Variants in WWOX observed in about 807,000 individuals in gnomAD.
WWOX encodes the protein WW domain-containing oxidoreductase.
A neutral mutation model predicts 46.2 loss-of-function variants in WWOX; 69 were observed. The observed-to-expected ratio is 1.49, with a 90% CI of 1.23 to 1.82. The LOEUF (loss-of-function observed/expected upper bound fraction) is 1.82. WWOX is among the 40% of genes most tolerant of loss of function. The pLI is 0.00. For missense variants in WWOX, 919 were observed against 542.6 expected, an observed-to-expected ratio of 1.69 and a Z score of -6.89; for synonymous variants, 359 against 202.6, an observed-to-expected ratio of 1.77 and a Z score of -6.56.
At chr16:79,036,900 G>T (rs944852723) in intron 8 of WWOX, among the ~76,000 whole-genome samples, 1 of 152,206 alleles carries the variant, frequency 6.6e-6, no homozygotes, top group Non-Finnish European at 1.5e-5. Context: ...GATTCTTTCA[G>T]ATGGGCAATA....
intron 8 of WWOX, among the ~76,000 whole-genome samples, chr16:78,715,450 C>G (rs1030926767): frequency 3.3e-5 from 5 of 152,094 alleles, no homozygotes; most frequent in African/African-American, 1.2e-4. Flanking sequence ...CCAGCTGGGT[C>G]TGACTCCACC....
intron 8 of WWOX, among the ~76,000 whole-genome samples, chr16:78,630,871 A>G (rs2046412063): frequency 8.4e-6 from 1 of 118,556 alleles, no homozygotes; most frequent in Non-Finnish European, 2.1e-5. Flanking sequence ...GGCCATATGC[A>G]GTCAGCCCCC....
At chr16:78,314,701 G>GTTTTGTTTTTTTTTTTTT (rs2080322491) in intron 5 of WWOX, among the ~76,000 whole-genome samples, 1 of 61,312 alleles carries the variant, frequency 1.6e-5, no homozygotes, top group African/African-American at 7.5e-5. Context: ...TTTTTTTTTT[G>GTTTTGTTTTTTTTTTTTT]TTTTTTTTTT....
At chr16:79,131,856 G>A (rs1274291491) in intron 8 of WWOX, among the ~76,000 whole-genome samples, 1 of 152,164 alleles carries the variant, frequency 6.6e-6, no homozygotes, top group East Asian at 1.9e-4. Context: ...AATCATGGTG[G>A]AAGGCAAGGA....
At chr16:78,180,660 G>C (rs71396159) in intron 5 of WWOX, among the ~76,000 whole-genome samples, 1 of 151,990 alleles carries the variant, frequency 6.6e-6, no homozygotes, top group Non-Finnish European at 1.5e-5. Context: ...AAACCCAGCC[G>C]CACCGGAGAG....
chr16:78,488,195 T>G (rs945230255), intron 8 of WWOX, among the ~76,000 whole-genome samples: 1 of 152,176 alleles, frequency 6.6e-6, no homozygotes. Context: ...AAGATGGGTC[T>G]TTGTTTAGAG....
intron 8 of WWOX, among the ~76,000 whole-genome samples, chr16:78,742,882 G>A (rs1298647113): frequency 2.0e-5 from 3 of 152,130 alleles, no homozygotes; most frequent in East Asian, 1.9e-4. Flanking sequence ...CCAGTGTAGG[G>A]TCTGGTCAAG....
At chr16:78,574,786 G>A (rs1012014633) in intron 8 of WWOX, among the ~76,000 whole-genome samples, 3 of 150,762 alleles carry the variant, frequency 2.0e-5, no homozygotes, top group Non-Finnish European at 3.0e-5. Flanking sequence ...GAGAATGGTG[G>A]TTGCTGGGGC....
At chr16:79,197,974 T>G (rs1204165172) in intron 8 of WWOX, among the ~76,000 whole-genome samples, 1 of 152,190 alleles carries the variant, frequency 6.6e-6, no homozygotes, top group African/African-American at 2.4e-5. Context: ...TCTTCCCTTA[T>G]GTGTACAACA....
intron 8 of WWOX, among the ~76,000 whole-genome samples, chr16:78,784,541 C>T (rs942679081): frequency 1.5e-4 from 23 of 151,996 alleles, no homozygotes; most frequent in African/African-American, 5.1e-4. Flanking sequence ...TCTCTGAGCT[C>T]AGTCTCCTCA....
chr16:78,557,170 C>T (rs565496856), intron 8 of WWOX, among the ~76,000 whole-genome samples: 1 of 152,212 alleles, frequency 6.6e-6, no homozygotes, highest in East Asian at 1.9e-4. Flanking sequence ...TAGATTTTGC[C>T]TCTGCTTGTT....
chr16:78,687,369 G>A (rs148233185), intron 8 of WWOX, among the ~76,000 whole-genome samples: 2 of 152,286 alleles, frequency 1.3e-5, no homozygotes, highest in African/African-American at 2.4e-5. Context: ...TCGAAAATGC[G>A]AAAGTCCTTC....
At chr16:78,186,120 C>T (rs1002319195) in intron 5 of WWOX, among the ~76,000 whole-genome samples, 3 of 152,114 alleles carry the variant, frequency 2.0e-5, no homozygotes, top group Non-Finnish European at 2.9e-5. Context: ...TCCCAGGTTT[C>T]AGACAGTATA....
At chr16:79,089,498 A>G (rs1040501931) in intron 8 of WWOX, among the ~76,000 whole-genome samples, 9 of 151,900 alleles carry the variant, frequency 5.9e-5, no homozygotes, top group Non-Finnish European at 1.3e-4. Flanking sequence ...CGCCTGGCTA[A>G]TTTTTGTATT....
chr16:78,578,280 A>ATTTTTTTTTTTTTTTTT (rs1433554555), intron 8 of WWOX, among the ~76,000 whole-genome samples: 1 of 35,438 alleles, frequency 2.8e-5, no homozygotes, highest in African/African-American at 1.4e-4. Flanking sequence ...ATATATATAT[A>ATTTTTTTTTTTTTTTTT]TATATTTTTT....
chr16:79,098,846 A>T (rs549621872), intron 8 of WWOX, among the ~76,000 whole-genome samples: 1 of 152,282 alleles, frequency 6.6e-6, no homozygotes, highest in South Asian at 2.1e-4. Context: ...CCTTCTCTGT[A>T]TATCTTTTAA....
chr16:78,996,419 A>C (rs2046991445), intron 8 of WWOX: 1 of 832,110 alleles, frequency 1.2e-6, no homozygotes, highest in Non-Finnish European at 1.4e-6. Context: ...GATTTGCTCA[A>C]AGTTTGCAAA....
At chr16:78,739,404 A>T (rs1455494200) in intron 8 of WWOX, among the ~76,000 whole-genome samples, 1 of 152,180 alleles carries the variant, frequency 6.6e-6, no homozygotes, top group Non-Finnish European at 1.5e-5. Context: ...ATTGGATGTC[A>T]TGTGCTTTCA....
At chr16:78,640,874 G>A (rs992077283) in intron 8 of WWOX, among the ~76,000 whole-genome samples, 1 of 151,616 alleles carries the variant, frequency 6.6e-6, no homozygotes, top group Non-Finnish European at 1.5e-5. Flanking sequence ...GGGAAGCAGA[G>A]GTTGCAGTGA....
Sources: gnomAD v4.1 joint callset for allele counts (sites outside exome capture counted in the v4.1 genomes callset) on GRCh38, gnomAD v4.1.1 for gene constraint, MANE v1.5 for transcripts, NCBI Gene and HGNC (gene_info 2026-07-23, HGNC 2026-07-21) for gene names.